Variants in DPP9 observed in about 807,000 individuals in gnomAD.
DPP9 encodes dipeptidyl peptidase 9.
Under a neutral mutation model 110.7 loss-of-function variants are expected in DPP9, and 50 were observed. That is an observed-to-expected ratio of 0.45 (90% CI 0.36 to 0.57). DPP9 has a LOEUF of 0.57. DPP9 is among the 20% of genes least tolerant of loss of function. The probability of loss-of-function intolerance (pLI) is 0.00; values close to 1 mark genes in which losing one functional copy is unlikely to be tolerated. For synonymous variants in DPP9, 561 were observed against 514.4 expected (o/e 1.09, Z -1.23); for missense variants, 1,022 against 1,217.9 (o/e 0.84, Z 2.39).
At chr19:4,723,180 G>C (rs2093397908) in intron 1 of DPP9, among the ~76,000 whole-genome samples, 1 of 152,222 alleles carries the variant, frequency 6.6e-6, no homozygotes, top group African/African-American at 2.4e-5. Flanking sequence ...ACCAAGCCTC[G>C]GGGCGAAGGT....
At chr19:4,711,413 G>C (rs2092823182) in intron 4 of DPP9, among the ~76,000 whole-genome samples, 1 of 152,258 alleles carries the variant, frequency 6.6e-6, no homozygotes, top group Middle Eastern at 3.4e-3. Flanking sequence ...ATTAAGTGAA[G>C]GCTCTTGAGC....
At chr19:4,720,616 G>A (rs749710679) in intron 2 of DPP9, among the ~76,000 whole-genome samples, 2 of 152,184 alleles carry the variant, frequency 1.3e-5, no homozygotes, top group African/African-American at 2.4e-5. Flanking sequence ...AACTGGGGGC[G>A]ATTTGGCCCC....
At position 4,687,922 on chromosome 19, in the gene DPP9, C is replaced by T. The variant is rs376093106; in HGVS notation, c.1885+835G>A. Among the ~76,000 whole-genome samples, 3 of 152,144 alleles carry T rather than the reference C, an allele frequency of 2.0e-5. No individual in the cohort carries two copies. The highest frequency in any genetic ancestry group is 4.8e-5 in the African/African-American group (2 of 41,422). ...AGGCCATTCTCTTGCCTCAGCCTCC[C>T]GAGTAGTGGGACTACAGGCGCCCGC... On this transcript the variant is annotated intron_variant, in intron 16 of 21. Coordinates refer to ENST00000262960, the MANE Select transcript of DPP9 (RefSeq NM_139159.5). The surrounding 1 kb of genome is among the most constrained non-coding windows in gnomAD (Gnocchi z 4.7).
Position 4,685,689 on chromosome 19 carries a change from C to T in DPP9, c.1968G>A (p.Lys656=), listed in dbSNP as rs1223037042. 6 of 1,613,344 alleles carry T rather than the reference C, an allele frequency of 3.7e-6. No homozygotes were observed. The South Asian group carries it at 5.5e-5, about 15-fold the overall frequency. The change falls in exon 17 of 22, where the codon AAG becomes AAA. Residue 656 remains lysine (K), a synonymous_variant. Coordinates refer to ENST00000262960, the MANE Select transcript of DPP9 (RefSeq NM_139159.5). This position sits in a 1 kb window ranked among gnomAD's most constrained non-coding sequence, Gnocchi z 5.8. The part of the protein sequence containing the change: ...SDVRLYGMIY[K]PHALQPGKKH... Reference sequence around the variant, plus strand: ...TCTTCCCTGGCTGCAAGGCGTGGGGCTTGTAGATCATGCCGTAGAGCCGCA... The same window carrying T: ...TCTTCCCTGGCTGCAAGGCGTGGGGTTTGTAGATCATGCCGTAGAGCCGCA...
At chr19:4,679,340 A>C (rs1186334155) in intron 21 of DPP9, 1 of 126,708 alleles carries the variant, frequency 7.9e-6, no homozygotes, top group Non-Finnish European at 1.6e-5. Flanking sequence ...CCAAGGCTCC[A>C]CCCACTCCCC....
rs1445944353 is a variant in DPP9, at chr19:4,700,875, C to G, written c.1013-598G>C. ...TTTTTGGCTAGACCTACGAGAAACT[C>G]AACTCCAGCCCTCGTGGCTCTGGCC... On this transcript the variant is annotated intron_variant, in intron 9 of 21. Transcript: ENST00000262960. This position sits in a 1 kb window ranked among gnomAD's most constrained non-coding sequence, Gnocchi z 4.3. Among the ~76,000 whole-genome samples, 1 of 152,192 alleles carries G rather than the reference C, an allele frequency of 6.6e-6. No individual in the cohort carries two copies. The highest frequency in any genetic ancestry group is 2.4e-5 in the African/African-American group (1 of 41,440).
At position 4,714,189 on chromosome 19, in the gene DPP9, C is replaced by T. The variant is rs567829514; in HGVS notation, c.205G>A (p.Gly69Ser). The T allele has an allele frequency of 8.7e-6, 14 of 1,610,842 alleles. No homozygotes were observed. The highest frequency in any genetic ancestry group is 2.2e-5 in the East Asian group (1 of 44,664). The change falls in exon 4 of 22, where the codon GGC becomes AGC. Residue 69 changes from glycine to serine, a missense_variant. Physicochemically the swap from Gly to Ser is moderately conservative, Grantham distance 56. Coordinates refer to ENST00000262960, the MANE Select transcript of DPP9 (RefSeq NM_139159.5). ...ATGAGGCCCGAGTACTTGCGGCTGC[C>T]GTGGATGATGCTCCGGAGCCCGTCC... ...SWDGLRSIIHGSRKYSGLIVN... is the reference protein window; with the variant it reads ...SWDGLRSIIHSSRKYSGLIVN...
At position 4,698,013 on chromosome 19, in the gene DPP9, A is replaced by G. The variant is rs370920036; in HGVS notation, c.1075-362T>C. 6.6e-6 allele frequency among the ~76,000 whole-genome samples: 1 copy of G among 150,592 alleles called. No homozygotes were observed. Among genetic ancestry groups the G allele is most frequent in the East Asian group, 1.9e-4 (1 of 5,132 alleles). ...AGCAGCTTGGTGTTGGACATTATCAATTTCGGCCGTGTAAGCCTCCCAGTC... is the reference window on the plus strand; with the variant it reads ...AGCAGCTTGGTGTTGGACATTATCAGTTTCGGCCGTGTAAGCCTCCCAGTC... On this transcript the variant is annotated intron_variant, in intron 10 of 21. Transcript: ENST00000262960. The surrounding 1 kb of genome is among the most constrained non-coding windows in gnomAD (Gnocchi z 4.2).
rs1322969780 is a variant in DPP9 at position 4,682,898 on chromosome 19, T to A, written c.2332-60A>T. 1 of 1,542,640 alleles carries A rather than the reference T, an allele frequency of 6.5e-7. No individual in the cohort carries two copies. ...AGAGAGAGAAACAGGCGTCGGGTCC[T>A]ACAGCCAGCATCAGCCGCTGTCCCG... is the stretch of plus-strand genomic sequence containing the variant. On this transcript the variant is annotated intron_variant, in intron 19 of 21. Transcript: ENST00000262960. The surrounding 1 kb of genome is among the most constrained non-coding windows in gnomAD (Gnocchi z 7.1).
chr19:4,688,350 C>T (rs1051550414), intron 16 of DPP9: 2 of 179,544 alleles, frequency 1.1e-5, no homozygotes, highest in Admixed American at 6.3e-5. Context: ...TGCAAGCAAT[C>T]CTCCTGCCTT....
chr19:4,689,700 T>C lies in DPP9; in HGVS notation c.1619A>G (p.Lys540Arg). The C allele has an allele frequency of 1.3e-6, 2 of 1,552,972 alleles. No homozygotes were observed. The highest frequency in any genetic ancestry group is 8.7e-7 in the Non-Finnish European group (1 of 1,147,706). The change falls in exon 15 of 22, where the codon AAG becomes AGG. Residue 540 changes from lysine (K) to arginine (R), a missense_variant. This residue lies in a region of DPP9 where 810 missense variants were observed against 920.6 expected (regional missense o/e 0.88). Coordinates refer to ENST00000262960, the MANE Select transcript of DPP9 (RefSeq NM_139159.5). The surrounding 1 kb of genome is among the most constrained non-coding windows in gnomAD (Gnocchi z 7.0). ...GSKIWVNEETKLVYFQGTKDT... is the reference protein window; with the variant it reads ...GSKIWVNEETRLVYFQGTKDT... ...CTTGGTGCCCTGGAAGTACACCAGC[T>C]TGGTCTCCTCATTGACCCAGATCTG...
chr19:4,681,771 T>C (rs2145337148), intron 20 of DPP9, among the ~76,000 whole-genome samples: 1 of 151,746 alleles, frequency 6.6e-6, no homozygotes, highest in Non-Finnish European at 1.5e-5. Flanking sequence ...TTCACCATGT[T>C]GGCCAGGCTG....
In DPP9 at chr19:4,695,112, C is replaced by G; in HGVS notation, c.1353+266G>C. On this transcript the variant is annotated intron_variant, in intron 12 of 21. Transcript: ENST00000262960. The surrounding 1 kb of genome is among the most constrained non-coding windows in gnomAD (Gnocchi z 4.7). ...GCTGCAGTGAGCTATGACCACACCA[C>G]TGCACTCTAGTCTGGGCAACAGAGC... The G allele has an allele frequency of 1.7e-6, 1 of 584,576 alleles. No individual in the cohort carries two copies. The highest frequency in any genetic ancestry group is 3.0e-6 in the Non-Finnish European group (1 of 331,756). 36.2% of individuals were successfully genotyped at this position (584,576 alleles called of 1,614,324 possible).
intron 8 of DPP9, 62 bp from the exon 9 acceptor site, chr19:4,702,217 C>A (rs894927484): frequency 1.3e-5 from 20 of 1,534,604 alleles, no homozygotes; most frequent in African/African-American, 1.4e-5. Context: ...GCCATCAGCA[C>A]CCCCCGCCCC....
chr19:4,718,558 C>A lies in DPP9; in HGVS notation c.56+1293G>T, dbSNP rs1193227603. Among the ~76,000 whole-genome samples the A allele has an allele frequency of 6.6e-6, 1 of 152,224 alleles. No homozygotes were observed. On this transcript the variant is annotated intron_variant, in intron 3 of 21. Transcript: ENST00000262960. This position sits in a 1 kb window ranked among gnomAD's most constrained non-coding sequence, Gnocchi z 4.3. ...GCTGCCGGGGAAACAGCATGCCACC[C>A]TCTGTCCTACCCAAACTGCCCCCAG...
At chr19:4,696,940 A>T (rs953547529) in intron 11 of DPP9, among the ~76,000 whole-genome samples, 5 of 152,142 alleles carry the variant, frequency 3.3e-5, no homozygotes, top group Non-Finnish European at 5.9e-5. Flanking sequence ...TCTATAAAAA[A>T]TACAAAACAT....
At chr19:4,720,403 C>T (rs887117438) in intron 2 of DPP9, among the ~76,000 whole-genome samples, 2 of 152,216 alleles carry the variant, frequency 1.3e-5, no homozygotes, top group Non-Finnish European at 1.5e-5. Context: ...CGACGCACCC[C>T]GTGGCCTGAA....
At chr19:4,683,423 T>G (rs1385855825) in intron 19 of DPP9, 54 bp downstream of exon 19, 6 of 1,600,932 alleles carry the variant, frequency 3.7e-6, no homozygotes, top group Admixed American at 1.7e-5. Flanking sequence ...GCGGCGTAGA[T>G]GGGGAAGGGG....
chr19:4,693,854 A>G lies in DPP9; in HGVS notation c.1516+807T>C, dbSNP rs1442977119. Among the ~76,000 whole-genome samples the G allele has an allele frequency of 6.7e-6, 1 of 149,578 alleles. No homozygotes were observed. Among genetic ancestry groups the G allele is most frequent in the Non-Finnish European group, 1.5e-5 (1 of 67,452 alleles). The stretch of plus-strand genomic sequence containing the variant: ...TCTCTCCCCCTCCTCCCTGTGCTCC[A>G]GCCACAGGGGCCTCCTCCCTATTCC... On this transcript the variant is annotated intron_variant, in intron 13 of 21. Coordinates refer to ENST00000262960, the MANE Select transcript of DPP9 (RefSeq NM_139159.5). The surrounding 1 kb of genome is among the most constrained non-coding windows in gnomAD (Gnocchi z 5.0).
Sources: allele counts gnomAD v4.1 joint callset (sites outside exome capture counted in the v4.1 genomes callset), GRCh38; gene constraint gnomAD v4.1.1; regional missense constraint gnomAD v4.1.1; non-coding constraint Gnocchi (gnomAD v3.1); transcripts MANE v1.5; gene names NCBI Gene and HGNC (gene_info 2026-07-23, HGNC 2026-07-21).